Variants in ADGRB3 observed in about 807,000 individuals in gnomAD.
ADGRB3 encodes the protein adhesion G protein-coupled receptor B3, also known as brain-specific angiogenesis inhibitor 3.
ADGRB3 carries 37 observed loss-of-function variants against 193.4 expected under a neutral mutation model. That is an observed-to-expected ratio of 0.19 (90% CI 0.15 to 0.25). The LOEUF (loss-of-function observed/expected upper bound fraction) is 0.25. Ranked by LOEUF, ADGRB3 falls within the 10% of genes least tolerant of loss-of-function variation. ADGRB3 has a pLI of 1.00. For synonymous variants in ADGRB3, 690 were observed against 644.2 expected, an observed-to-expected ratio of 1.07 and a Z score of -1.08; for missense variants, 1,637 against 1,852.9, an observed-to-expected ratio of 0.88 and a Z score of 2.14.
intron 17 of ADGRB3, among the ~76,000 whole-genome samples, chr6:69,146,977 A>G (rs1423875906): frequency 6.6e-6 from 1 of 151,242 alleles, no homozygotes; most frequent in Non-Finnish European, 1.5e-5. Flanking sequence ...TGATCCTTTG[A>G]ATTTCTGCTT....
chr6:69,139,828 T>G (rs1251104103), intron 17 of ADGRB3, among the ~76,000 whole-genome samples: 1 of 152,208 alleles, frequency 6.6e-6, no homozygotes, highest in East Asian at 1.9e-4. Flanking sequence ...AATACATATT[T>G]TTGCTTCAAC....
intron 13 of ADGRB3, among the ~76,000 whole-genome samples, chr6:69,019,279 CTT>C (rs1350753731): frequency 6.6e-6 from 1 of 151,904 alleles, no homozygotes; most frequent in Non-Finnish European, 1.5e-5. Flanking sequence ...CTTTAATACT[CTT>C]AACATAAAAA....
At chr6:69,189,202 A>G (rs1208627737) in intron 17 of ADGRB3, among the ~76,000 whole-genome samples, 1 of 152,204 alleles carries the variant, frequency 6.6e-6, no homozygotes, top group Non-Finnish European at 1.5e-5. Context: ...TAAGTTAGTT[A>G]ATAACAGCAT....
chr6:68,746,639 C>T (rs921373486), intron 3 of ADGRB3, among the ~76,000 whole-genome samples: 1 of 151,930 alleles, frequency 6.6e-6, no homozygotes, highest in South Asian at 2.1e-4. Context: ...CTCTCCATTT[C>T]TAATAGGGCC....
chr6:68,833,564 T>C (rs1767992151), intron 3 of ADGRB3, among the ~76,000 whole-genome samples: 1 of 150,464 alleles, frequency 6.6e-6, no homozygotes, highest in Non-Finnish European at 1.5e-5. Flanking sequence ...ACTGGATAAG[T>C]ATTCTTATAT....
At chr6:69,377,951 G>A (rs1173389543) in intron 30 of ADGRB3, among the ~76,000 whole-genome samples, 6 of 152,028 alleles carry the variant, frequency 3.9e-5, no homozygotes, top group African/African-American at 1.4e-4. Flanking sequence ...TTCTTCCAGC[G>A]GGAAGACCTC....
intron 13 of ADGRB3, among the ~76,000 whole-genome samples, chr6:69,025,282 A>C (rs1363218425): frequency 6.6e-6 from 1 of 152,098 alleles, no homozygotes; most frequent in Non-Finnish European, 1.5e-5. Flanking sequence ...TCTTTCTTAT[A>C]TTCACTGGCA....
intron 5 of ADGRB3, among the ~76,000 whole-genome samples, chr6:68,943,155 C>A (rs7767423): frequency 0.14 from 21,743 of 151,988 alleles, 1,658 homozygotes; most frequent in African/African-American, 0.19. Flanking sequence ...CTGGTTTCAT[C>A]GTCATTAGAA....
intron 3 of ADGRB3, among the ~76,000 whole-genome samples, chr6:68,788,235 A>T (rs572244257): frequency 6.6e-6 from 1 of 151,974 alleles, no homozygotes; most frequent in African/African-American, 2.4e-5. Context: ...TAGTTCTTTT[A>T]ATTGTGATGT....
At chr6:68,748,075 G>A (rs1225232657) in intron 3 of ADGRB3, among the ~76,000 whole-genome samples, 1 of 152,104 alleles carries the variant, frequency 6.6e-6, no homozygotes, top group Non-Finnish European at 1.5e-5. Flanking sequence ...TGATTCAGTT[G>A]CCTCCCATTG....
chr6:69,264,487 C>T (rs1766995118), intron 20 of ADGRB3, among the ~76,000 whole-genome samples: 1 of 151,744 alleles, frequency 6.6e-6, no homozygotes, highest in Non-Finnish European at 1.5e-5. Flanking sequence ...TTCTTTCCCA[C>T]TAGACAGGCA....
chr6:68,827,160 A>G (rs1025646860), intron 3 of ADGRB3, among the ~76,000 whole-genome samples: 1 of 152,174 alleles, frequency 6.6e-6, no homozygotes, highest in Non-Finnish European at 1.5e-5. Flanking sequence ...ACAGAAAGCC[A>G]GAAAGGCAGA....
At chr6:69,215,670 T>G (rs1461010897) in intron 17 of ADGRB3, among the ~76,000 whole-genome samples, 1 of 152,254 alleles carries the variant, frequency 6.6e-6, no homozygotes, top group Admixed American at 6.5e-5. Context: ...TAGAGACATT[T>G]CAAAGACTTC....
chr6:69,344,809 G>A (rs981274114), intron 26 of ADGRB3, among the ~76,000 whole-genome samples: 1 of 152,126 alleles, frequency 6.6e-6, no homozygotes, highest in Non-Finnish European at 1.5e-5. Context: ...GGTTCCTAAG[G>A]GAACAATGAG....
chr6:69,376,204 T>G (rs1367152093), intron 30 of ADGRB3, among the ~76,000 whole-genome samples: 1 of 146,932 alleles, frequency 6.8e-6, no homozygotes, highest in African/African-American at 2.5e-5. Flanking sequence ...AATCCTCTCA[T>G]GTCAGCCTCC....
At chr6:69,217,471 C>T (rs1765792459) in intron 17 of ADGRB3, among the ~76,000 whole-genome samples, 1 of 152,162 alleles carries the variant, frequency 6.6e-6, no homozygotes, top group African/African-American at 2.4e-5. Context: ...TTTTCTGCCC[C>T]TTATTTCTGA....
At chr6:68,874,579 A>G (rs1765539514) in intron 3 of ADGRB3, among the ~76,000 whole-genome samples, 1 of 152,164 alleles carries the variant, frequency 6.6e-6, no homozygotes, top group Non-Finnish European at 1.5e-5. Flanking sequence ...TATTTTACTA[A>G]ATAGCATTTT....
chr6:68,886,824 G>A (rs1282385944), intron 3 of ADGRB3, among the ~76,000 whole-genome samples: 1 of 151,562 alleles, frequency 6.6e-6, no homozygotes, highest in African/African-American at 2.4e-5. Context: ...AAATATAATC[G>A]CTTTATATGT....
intron 3 of ADGRB3, among the ~76,000 whole-genome samples, chr6:68,906,363 G>A (rs1366861891): frequency 1.3e-5 from 2 of 151,416 alleles, no homozygotes; most frequent in African/African-American, 4.8e-5. Flanking sequence ...CATGTATATT[G>A]AAGGTATACC....
Sources: gnomAD v4.1 joint callset for allele counts (sites outside exome capture counted in the v4.1 genomes callset) on GRCh38, gnomAD v4.1.1 for gene constraint, MANE v1.5 for transcripts, NCBI Gene and HGNC (gene_info 2026-07-23, HGNC 2026-07-21) for gene names.